Variants in TTLL11 observed in about 807,000 individuals in gnomAD.
TTLL11 encodes tubulin tyrosine ligase like 11.
TTLL11 carries 42 observed loss-of-function variants against 51.7 expected under a neutral mutation model. The ratio of observed to expected loss-of-function variants is 0.81; its 90% CI spans 0.64 to 1.05. The LOEUF (loss-of-function observed/expected upper bound fraction) is 1.05. TTLL11 is among the 50% of genes least tolerant of loss of function. The pLI, the probability that TTLL11 is intolerant of heterozygous loss-of-function variation, is 0.00. For missense variants in TTLL11, 799 were observed against 940.4 expected (o/e 0.85, Z 1.97); for synonymous variants, 381 against 383.5 (o/e 0.99, Z 0.08).
chr9:121,897,840 C>A (rs375755076), intron 6 of TTLL11, among the ~76,000 whole-genome samples: 5 of 152,068 alleles, frequency 3.3e-5, no homozygotes, highest in African/African-American at 4.8e-5. Flanking sequence ...TGCATTTCTC[C>A]CCATCAAATG....
intron 3 of TTLL11, among the ~76,000 whole-genome samples, chr9:122,001,524 A>C (rs61047170): frequency 1.9e-4 from 2 of 10,690 alleles, no homozygotes; most frequent in African/African-American, 3.7e-4. Context: ...TGAAGGGGGA[A>C]GGGGGGGCGG....
intron 6 of TTLL11, among the ~76,000 whole-genome samples, chr9:121,972,884 C>G (rs1376214132): frequency 2.0e-5 from 3 of 152,224 alleles, no homozygotes; most frequent in African/African-American, 7.2e-5. Flanking sequence ...TGGTGAGAAG[C>G]CTTGGTAGAG....
At chr9:122,083,668 G>C (rs1846051919) in intron 1 of TTLL11, among the ~76,000 whole-genome samples, 1 of 152,130 alleles carries the variant, frequency 6.6e-6, no homozygotes, top group Non-Finnish European at 1.5e-5. Context: ...AAATTAGCCA[G>C]GTGTGGTGGC....
At position 121,816,244 on chromosome 9, in the gene TTLL11, A is replaced by C. The variant is rs933065776; in HGVS notation, c.*6343T>G. 1 of 152,158 alleles carries C rather than the reference A, an allele frequency of 6.6e-6. No individual in the cohort carries two copies. Among genetic ancestry groups the C allele is most frequent in the Non-Finnish European group, 1.5e-5 (1 of 68,042 alleles). The allele number at this position is 152,158 out of a possible 1,614,324, so 9.4% of individuals were successfully genotyped here. A position where few individuals can be genotyped will look rare whatever the true frequency, so the allele number is the denominator to read the frequency against. On this transcript the variant is annotated 3_prime_UTR_variant, in exon 9 of 9. Transcript: ENST00000321582. ...GGGATTCTCAGCCCTCGCTTTCCCC[A>C]TTCTGATGCAACAGGTTCTGAAGGG...
chr9:121,932,560 G>A (rs935513481), intron 6 of TTLL11, among the ~76,000 whole-genome samples: 4 of 152,184 alleles, frequency 2.6e-5, no homozygotes, highest in African/African-American at 7.2e-5. Flanking sequence ...CAGTGGAAGC[G>A]CCATTCCCCA....
intron 8 of TTLL11, among the ~76,000 whole-genome samples, chr9:121,834,371 A>C (rs1837116774): frequency 6.6e-6 from 1 of 152,106 alleles, no homozygotes. Flanking sequence ...GACTCAGATG[A>C]GCTGGTCCGG....
chr9:121,834,017 A>G (rs1255469220), intron 8 of TTLL11, among the ~76,000 whole-genome samples: 2 of 152,214 alleles, frequency 1.3e-5, no homozygotes, highest in African/African-American at 4.8e-5. Context: ...TAAATGTATA[A>G]GTATACAAGT....
chr9:122,065,359 T>C (rs1845553665), intron 1 of TTLL11, among the ~76,000 whole-genome samples: 1 of 152,146 alleles, frequency 6.6e-6, no homozygotes, highest in Non-Finnish European at 1.5e-5. Flanking sequence ...GCCAGTCAAA[T>C]AAAAATGCTG....
chr9:122,020,538 A>G (rs1588211339), intron 3 of TTLL11, among the ~76,000 whole-genome samples: 1 of 152,252 alleles, frequency 6.6e-6, no homozygotes, highest in South Asian at 2.1e-4. Flanking sequence ...TTCCTCTCCT[A>G]TGAATAATAG....
At chr9:121,893,050 G>A (rs546977333) in intron 6 of TTLL11, among the ~76,000 whole-genome samples, 1 of 152,208 alleles carries the variant, frequency 6.6e-6, no homozygotes, top group Admixed American at 6.5e-5. Context: ...TTATTATTAG[G>A]CATAATAACT....
chr9:122,031,550 G>A (rs1312845202), intron 3 of TTLL11, among the ~76,000 whole-genome samples, 173 bp downstream of exon 3: 2 of 152,066 alleles, frequency 1.3e-5, no homozygotes, highest in South Asian at 2.1e-4. Context: ...CACCCTACTC[G>A]TTCAACTCTG....
intron 6 of TTLL11, among the ~76,000 whole-genome samples, chr9:121,886,495 G>A (rs1250860488): frequency 6.6e-6 from 1 of 152,144 alleles, no homozygotes; most frequent in Non-Finnish European, 1.5e-5. Context: ...ATGTTACCTG[G>A]CCAAGAGCTA....
chr9:121,867,041 G>A (rs1418431347), intron 7 of TTLL11, among the ~76,000 whole-genome samples: 2 of 152,076 alleles, frequency 1.3e-5, no homozygotes, highest in African/African-American at 2.4e-5. Context: ...TTTTGACCTC[G>A]CCTGGTTCCA....
intron 4 of TTLL11, among the ~76,000 whole-genome samples, chr9:121,976,469 T>C (rs1842712192): frequency 6.6e-6 from 1 of 152,150 alleles, no homozygotes; most frequent in Non-Finnish European, 1.5e-5. Flanking sequence ...GAAGTGATAA[T>C]GCAGAAAATT....
chr9:121,899,769 C>T (rs1454826175), intron 6 of TTLL11, among the ~76,000 whole-genome samples: 2 of 152,090 alleles, frequency 1.3e-5, no homozygotes, highest in East Asian at 3.9e-4. Context: ...ACCACTAGAA[C>T]GTAAGCTCCA....
intron 4 of TTLL11, among the ~76,000 whole-genome samples, chr9:121,979,124 A>G (rs534128593): frequency 6.6e-6 from 1 of 152,040 alleles, no homozygotes; most frequent in African/African-American, 2.4e-5. Flanking sequence ...TTGCTCACTC[A>G]CTCGGAGGGA....
At chr9:121,946,226 C>T (rs1473729049) in intron 6 of TTLL11, among the ~76,000 whole-genome samples, 1 of 152,172 alleles carries the variant, frequency 6.6e-6, no homozygotes. Context: ...GTGAGATGTG[C>T]AAAGGCATAG....
At chr9:122,045,189 G>A (rs974953291) in intron 1 of TTLL11, among the ~76,000 whole-genome samples, 1 of 151,818 alleles carries the variant, frequency 6.6e-6, no homozygotes, top group African/African-American at 2.4e-5. Context: ...ATAGAAAGCT[G>A]CTGTAGTTAA....
chr9:121,977,101 T>C (rs2131664767), intron 4 of TTLL11, among the ~76,000 whole-genome samples: 1 of 152,248 alleles, frequency 6.6e-6, no homozygotes, highest in African/African-American at 2.4e-5. Flanking sequence ...AATGTGAAGG[T>C]GGGAATGCTG....
Sources: gnomAD v4.1 joint callset for allele counts (sites outside exome capture counted in the v4.1 genomes callset) on GRCh38, gnomAD v4.1.1 for gene constraint, MANE v1.5 for transcripts, NCBI Gene and HGNC (gene_info 2026-07-23, HGNC 2026-07-21) for gene names.